The following ZDHHC21 variants were observed in gnomAD, a reference collection of about 807,000 sequenced individuals.
ZDHHC21 encodes the protein palmitoyltransferase ZDHHC21.
ZDHHC21 carries 15 observed loss-of-function variants against 34.6 expected under a neutral mutation model. The observed-to-expected ratio is 0.43, with a 90% confidence interval of 0.29 to 0.67. The LOEUF (loss-of-function observed/expected upper bound fraction) is 0.67, where lower values mean the gene tolerates loss of function less well. Among genes scored for constraint, ZDHHC21 ranks in the 30% least tolerant of loss-of-function variants. ZDHHC21 has a pLI of 0.14. For missense variants in ZDHHC21, 344 were observed against 327.7 expected (o/e 1.05, Z -0.38); for synonymous variants, 142 against 101.8 (o/e 1.40, Z -2.38).
In ZDHHC21 at chr9:14,693,334, G is replaced by A. The variant is rs1344890066; in HGVS notation, c.-330C>T. The A allele has an allele frequency of 2.9e-5, 12 of 412,610 alleles. No homozygotes were observed. Among genetic ancestry groups the A allele is most frequent in the Non-Finnish European group, 5.3e-5 (11 of 209,500 alleles). The allele number at this position is 412,610 out of a possible 1,614,324, so 25.6% of individuals were successfully genotyped here. A position where few individuals can be genotyped will look rare whatever the true frequency, so the allele number is the denominator to read the frequency against. On this transcript the variant is annotated 5_prime_UTR_variant, in exon 1 of 10. Coordinates refer to ENST00000380916, the MANE Select transcript of ZDHHC21 (RefSeq NM_178566.6). ...CCGCCTCCTCCGGCGCCGCCGCCCAGGCCGGGCCGCTCTCCCCTTCCGCTT... is the reference window on the plus strand; with the variant it reads ...CCGCCTCCTCCGGCGCCGCCGCCCAAGCCGGGCCGCTCTCCCCTTCCGCTT...
At position 14,641,930 on chromosome 9, in the gene ZDHHC21, G is replaced by C. The variant is rs192982870; in HGVS notation, c.505-1918C>G. 5.9e-5 allele frequency among the ~76,000 whole-genome samples: 9 copies of C among 152,282 alleles called. No homozygotes were observed. The East Asian group carries it at 1.7e-3, about 29-fold the overall frequency. ...TGGTTTTAATGCACGGTTTTACACA[G>C]TGAGGTGATTTTTAGGAATGCACAT... On this transcript the variant is annotated intron_variant, in intron 7 of 9. Transcript: ENST00000380916.
At chr9:14,633,265 C>A (rs1196628432) in intron 8 of ZDHHC21, among the ~76,000 whole-genome samples, 1 of 152,154 alleles carries the variant, frequency 6.6e-6, no homozygotes, top group Non-Finnish European at 1.5e-5. Context: ...AAAGCAAGGA[C>A]TGACAGGAAA....
chr9:14,689,006 C>T (rs1451928292), intron 2 of ZDHHC21, among the ~76,000 whole-genome samples: 1 of 152,158 alleles, frequency 6.6e-6, no homozygotes, highest in East Asian at 1.9e-4. Flanking sequence ...GCTGTGACTG[C>T]ACTGCACTCC....
chr9:14,660,749 A>G (rs1341537338), intron 6 of ZDHHC21, among the ~76,000 whole-genome samples: 1 of 152,192 alleles, frequency 6.6e-6, no homozygotes, highest in African/African-American at 2.4e-5. Context: ...AATTAAGGTT[A>G]AATAGCACCT....
intron 5 of ZDHHC21, among the ~76,000 whole-genome samples, chr9:14,664,385 G>A (rs912196986): frequency 2.0e-5 from 3 of 151,344 alleles, no homozygotes; most frequent in African/African-American, 4.8e-5. Context: ...CTGATTGCTA[G>A]CACAGCAGTC....
At chr9:14,683,272 G>T (rs1444561038) in intron 2 of ZDHHC21, among the ~76,000 whole-genome samples, 1 of 151,838 alleles carries the variant, frequency 6.6e-6, no homozygotes, top group African/African-American at 2.4e-5. Context: ...TTTTATTTTT[G>T]AAAAGATCAA....
intron 8 of ZDHHC21, among the ~76,000 whole-genome samples, chr9:14,633,477 G>A (rs141215291): frequency 1.3e-5 from 2 of 152,170 alleles, no homozygotes; most frequent in Non-Finnish European, 2.9e-5. Context: ...CCGCTCCAGA[G>A]AGGAGGATCA....
intron 7 of ZDHHC21, among the ~76,000 whole-genome samples, chr9:14,649,850 A>G (rs1300847630): frequency 6.6e-6 from 1 of 152,100 alleles, no homozygotes; most frequent in East Asian, 1.9e-4. Flanking sequence ...GGGCAATCCA[A>G]TAAGAGAACA....
At chr9:14,678,110 G>C (rs769037497) in intron 3 of ZDHHC21, among the ~76,000 whole-genome samples, 53 of 152,122 alleles carry the variant, frequency 3.5e-4, no homozygotes, top group Middle Eastern at 3.4e-3. Flanking sequence ...ATTCAACTCA[G>C]ACTTCAAGGC....
intron 7 of ZDHHC21, among the ~76,000 whole-genome samples, chr9:14,647,328 T>A (rs1274044968): frequency 6.6e-6 from 1 of 152,200 alleles, no homozygotes; most frequent in Non-Finnish European, 1.5e-5. Context: ...TGGCTATTTA[T>A]GATCTAACAA....
At chr9:14,625,546 C>A (rs188692492) in intron 8 of ZDHHC21, among the ~76,000 whole-genome samples, 1 of 152,042 alleles carries the variant, frequency 6.6e-6, no homozygotes, top group African/African-American at 2.4e-5. Context: ...ATAACGCTTA[C>A]CTCATAGGTT....
chr9:14,605,192 G>C, the ZDHHC21 span, among the ~76,000 whole-genome samples: 2 of 139,478 alleles, frequency 1.4e-5, no homozygotes, highest in African/African-American at 2.6e-5. Flanking sequence ...ATCTCTTCCA[G>C]ATCCTGGTTT....
chr9:14,589,358 C>T, the ZDHHC21 span: 1 of 152,022 alleles, frequency 6.6e-6, no homozygotes, highest in Non-Finnish European at 1.5e-5. Flanking sequence ...ACTATAATCC[C>T]TGAAAAAAAG....
intron 8 of ZDHHC21, among the ~76,000 whole-genome samples, chr9:14,627,087 C>T (rs1480460506): frequency 2.0e-5 from 3 of 151,946 alleles, no homozygotes; most frequent in African/African-American, 4.8e-5. Flanking sequence ...GTACTGAATG[C>T]TATTAATTCA....
chr9:14,600,765 A>G, the ZDHHC21 span, among the ~76,000 whole-genome samples: 14 of 152,238 alleles, frequency 9.2e-5, no homozygotes, highest in Non-Finnish European at 1.9e-4. Context: ...ACAAGGCTAC[A>G]GTAACCAAAA....
chr9:14,604,986 T>C, the ZDHHC21 span, among the ~76,000 whole-genome samples: 1 of 152,194 alleles, frequency 6.6e-6, no homozygotes, highest in Admixed American at 6.6e-5. Flanking sequence ...GGCTGGCTTA[T>C]TTCACTTAGC....
chr9:14,674,728 AAATG>A (rs1419519251), intron 3 of ZDHHC21, among the ~76,000 whole-genome samples: 5 of 152,024 alleles, frequency 3.3e-5, no homozygotes, highest in Admixed American at 2.6e-4. Context: ...AACCCAAAAG[AAATG>A]AATACACGTG....
In ZDHHC21 at chr9:14,614,026, A is replaced by C. The variant is rs1823768292; in HGVS notation, c.*4940T>G. On this transcript the variant is annotated 3_prime_UTR_variant, in exon 10 of 10. Transcript: ENST00000380916. ...GTTAAATAATTCAAACTAAATGCTT[A>C]TATGCACTAACAACTCTTCCCATAA... 6.6e-6 allele frequency: 1 copy of C among 151,802 alleles called. No homozygotes were observed. The highest frequency in any genetic ancestry group is 2.4e-5 in the African/African-American group (1 of 41,416). 9.4% of individuals were successfully genotyped at this position (151,802 alleles called of 1,614,324 possible). A position where few individuals can be genotyped will look rare whatever the true frequency, so the allele number is the denominator to read the frequency against.
chr9:14,683,043 G>C (rs954974360), intron 2 of ZDHHC21, among the ~76,000 whole-genome samples: 4 of 152,288 alleles, frequency 2.6e-5, no homozygotes, highest in Middle Eastern at 3.4e-3. Flanking sequence ...CCAGTGTGTA[G>C]AGCGAAATTT....
Sources: gnomAD v4.1 joint callset for allele counts (sites outside exome capture counted in the v4.1 genomes callset) on GRCh38, gnomAD v4.1.1 for gene constraint, MANE v1.5 for transcripts, NCBI Gene and HGNC (gene_info 2026-07-23, HGNC 2026-07-21) for gene names.